FBXW7: variants seen among roughly 807,000 people sequenced by gnomAD.
FBXW7 encodes F-box and WD repeat domain containing 7.
In FBXW7, 11 loss-of-function variants were observed where a neutral mutation model predicts 86.3. That is an observed-to-expected ratio of 0.13 (90% confidence interval 0.08 to 0.21). The LOEUF (loss-of-function observed/expected upper bound fraction) is 0.21. Ranked by LOEUF, FBXW7 falls within the 10% of genes least tolerant of loss-of-function variation. The pLI is 1.00. For missense variants in FBXW7, 488 were observed against 847.4 expected (o/e 0.58, Z 5.27); for synonymous variants, 313 against 297.9 (o/e 1.05, Z -0.52).
At chr4:152,403,289 C>T (rs934975607) in intron 4 of FBXW7, among the ~76,000 whole-genome samples, 1 of 152,002 alleles carries the variant, frequency 6.6e-6, no homozygotes, top group African/African-American at 2.4e-5. Flanking sequence ...GCCAGCCTGG[C>T]CAACATGGTG....
intron 2 of FBXW7, 152 bp from the exon 3 acceptor site, chr4:152,412,681 T>C (rs971849167): frequency 6.6e-5 from 10 of 152,028 alleles, no homozygotes; most frequent in Non-Finnish European, 1.5e-4. Flanking sequence ...ATATATATGG[T>C]GTAATCCCTA....
At chr4:152,390,411 G>A (rs1044551991) in intron 4 of FBXW7, among the ~76,000 whole-genome samples, 4 of 152,012 alleles carry the variant, frequency 2.6e-5, no homozygotes, top group Non-Finnish European at 5.9e-5. Flanking sequence ...TACAGGCTGA[G>A]CTGGGTTACC....
At chr4:152,430,955 A>G (rs1420763113) in intron 2 of FBXW7, among the ~76,000 whole-genome samples, 1 of 152,156 alleles carries the variant, frequency 6.6e-6, no homozygotes, top group African/African-American at 2.4e-5. Context: ...ATTCAAATAC[A>G]CATTTTTGAA....
chr4:152,331,023 T>C (rs1015626973), intron 8 of FBXW7, among the ~76,000 whole-genome samples, 155 bp from the exon 9 acceptor site: 6 of 152,040 alleles, frequency 3.9e-5, no homozygotes, highest in African/African-American at 1.4e-4. Flanking sequence ...GTTATCACAG[T>C]ATGTAGCAAT....
At chr4:152,350,177 A>G in intron 4 of FBXW7, 53 bp from the exon 5 acceptor site, 1 of 1,033,586 alleles carries the variant, frequency 9.7e-7, no homozygotes, top group Non-Finnish European at 1.4e-6. Context: ...TAACTATCAA[A>G]TCTTGAGTCA....
chr4:152,366,629 C>A lies in FBXW7; in HGVS notation c.502-16505G>T, dbSNP rs574626011. Among the ~76,000 whole-genome samples the A allele has an allele frequency of 5.3e-4, 81 of 152,244 alleles. 1 individual carries two copies. The highest frequency in any genetic ancestry group is 5.3e-3 in the Admixed American group (81 of 15,276). ...TGGCGATCATTAAAAAGTCAGGAAACAACAGGTGCTGGAGACGATGTGGAG... is the reference window on the plus strand; with the variant it reads ...TGGCGATCATTAAAAAGTCAGGAAAAAACAGGTGCTGGAGACGATGTGGAG... On this transcript the variant is annotated intron_variant, in intron 4 of 13. Transcript: ENST00000281708.
chr4:152,348,795 GA>G, intron 5 of FBXW7: 3 of 683,546 alleles, frequency 4.4e-6, no homozygotes, highest in East Asian at 8.5e-5. Context: ...GACTAGAAGG[GA>G]AAAGCAAAAT....
At chr4:152,417,871 G>A (rs1388940607) in intron 2 of FBXW7, among the ~76,000 whole-genome samples, 1 of 152,030 alleles carries the variant, frequency 6.6e-6, no homozygotes, top group East Asian at 1.9e-4. Context: ...TACCAAGCAG[G>A]GCAGAAGTAC....
chr4:152,436,277 C>T (rs542098992), intron 2 of FBXW7, among the ~76,000 whole-genome samples: 3 of 152,290 alleles, frequency 2.0e-5, no homozygotes, highest in Non-Finnish European at 4.4e-5. Context: ...AATAAAAGGT[C>T]AAATCAACCA....
intron 4 of FBXW7, among the ~76,000 whole-genome samples, chr4:152,368,914 T>C (rs1336525419): frequency 6.6e-6 from 1 of 152,110 alleles, no homozygotes; most frequent in Non-Finnish European, 1.5e-5. Flanking sequence ...TTTTTACATA[T>C]ATGATAGTCG....
chr4:152,426,689 T>G (rs1299626804), intron 2 of FBXW7, among the ~76,000 whole-genome samples: 1 of 152,034 alleles, frequency 6.6e-6, no homozygotes, highest in Admixed American at 6.6e-5. Flanking sequence ...AACGGGTAGG[T>G]CGTTTGCCCA....
At chr4:152,338,020 C>T (rs2126587752) in intron 6 of FBXW7, 84 bp from the exon 7 acceptor site, 7 of 1,382,344 alleles carry the variant, frequency 5.1e-6, no homozygotes, top group South Asian at 2.8e-5. Flanking sequence ...CATCTACACA[C>T]AACCATAGTT....
At chr4:152,378,789 T>A (rs956684932) in intron 4 of FBXW7, among the ~76,000 whole-genome samples, 1 of 151,994 alleles carries the variant, frequency 6.6e-6, no homozygotes, top group African/African-American at 2.4e-5. Flanking sequence ...GATAAAACAT[T>A]TGAGTCCAGG....
intron 4 of FBXW7, among the ~76,000 whole-genome samples, chr4:152,360,041 A>C (rs1287022872): frequency 6.6e-6 from 1 of 152,214 alleles, no homozygotes; most frequent in Non-Finnish European, 1.5e-5. Context: ...TAGACTTCTA[A>C]TCACTGGTCT....
chr4:152,418,058 G>A (rs1172195062), intron 2 of FBXW7, among the ~76,000 whole-genome samples: 1 of 151,718 alleles, frequency 6.6e-6, no homozygotes, highest in Non-Finnish European at 1.5e-5. Flanking sequence ...TTTAACATCT[G>A]AAAGATGTTA....
At chr4:152,364,693 T>C (rs767966209) in intron 4 of FBXW7, among the ~76,000 whole-genome samples, 3 of 152,192 alleles carry the variant, frequency 2.0e-5, no homozygotes, top group Admixed American at 1.3e-4. Context: ...CTTAACTTCA[T>C]TACATAAGGC....
chr4:152,437,375 T>C (rs953122836), intron 2 of FBXW7, among the ~76,000 whole-genome samples: 8 of 148,908 alleles, frequency 5.4e-5, no homozygotes, highest in Non-Finnish European at 8.9e-5. Flanking sequence ...CCAGACTCCA[T>C]CTCAAAAAAA....
intron 2 of FBXW7, among the ~76,000 whole-genome samples, chr4:152,443,004 T>G (rs568710307): frequency 1.3e-5 from 2 of 152,206 alleles, no homozygotes. Context: ...GGCTCATGCC[T>G]GTAATCCCAC....
intron 2 of FBXW7, among the ~76,000 whole-genome samples, chr4:152,428,255 T>C (rs1189914303): frequency 6.6e-6 from 1 of 152,212 alleles, no homozygotes; most frequent in Non-Finnish European, 1.5e-5. Flanking sequence ...GGATTAAATT[T>C]CACTTGTGAG....
Sources: gnomAD v4.1 joint callset for allele counts (sites outside exome capture counted in the v4.1 genomes callset) on GRCh38, gnomAD v4.1.1 for gene constraint, MANE v1.5 for transcripts, NCBI Gene and HGNC (gene_info 2026-07-23, HGNC 2026-07-21) for gene names.